Variants in RORA observed in about 807,000 individuals in gnomAD.
RORA encodes nuclear receptor ROR-alpha.
Under a neutral mutation model 69.5 loss-of-function variants are expected in RORA, and 7 were observed. The observed-to-expected ratio is 0.10, with a 90% CI of 0.06 to 0.19. The LOEUF (loss-of-function observed/expected upper bound fraction) is 0.19, where lower values mean the gene tolerates loss of function less well. Ranked by LOEUF, RORA falls within the 10% of genes least tolerant of loss-of-function variation. The pLI is 1.00. For synonymous variants in RORA, 261 were observed against 240.8 expected, an observed-to-expected ratio of 1.08 and a Z score of -0.78; for missense variants, 457 against 663.0, an observed-to-expected ratio of 0.69 and a Z score of 3.41.
At chr15:61,132,956 G>C (rs973628667) in intron 1 of RORA, among the ~76,000 whole-genome samples, 2 of 152,136 alleles carry the variant, frequency 1.3e-5, no homozygotes, top group African/African-American at 4.8e-5. Flanking sequence ...CGACTGTTGT[G>C]AAATCTGGCG....
At chr15:60,958,146 C>T (rs1483025285) in intron 1 of RORA, among the ~76,000 whole-genome samples, 1 of 152,166 alleles carries the variant, frequency 6.6e-6, no homozygotes, top group African/African-American at 2.4e-5. Flanking sequence ...GGCAAAAGTT[C>T]ATATCTCATT....
At chr15:60,523,366 G>A (rs1396155892) in intron 3 of RORA, among the ~76,000 whole-genome samples, 1 of 152,120 alleles carries the variant, frequency 6.6e-6, no homozygotes, top group Non-Finnish European at 1.5e-5. Flanking sequence ...AATCATGAGA[G>A]CATTCAGTGA....
intron 2 of RORA, among the ~76,000 whole-genome samples, chr15:60,655,339 A>G (rs1174122591): frequency 6.6e-6 from 1 of 152,170 alleles, no homozygotes; most frequent in Non-Finnish European, 1.5e-5. Flanking sequence ...CAGCGGTTAC[A>G]GAGTTGTGTT....
intron 1 of RORA, among the ~76,000 whole-genome samples, chr15:60,722,277 G>T (rs989997128): frequency 6.6e-6 from 1 of 152,142 alleles, no homozygotes; most frequent in African/African-American, 2.4e-5. Flanking sequence ...TGTCATTAAA[G>T]AACTGAGCTT....
intron 2 of RORA, among the ~76,000 whole-genome samples, chr15:60,662,363 A>T (rs1052456828): frequency 3.9e-5 from 6 of 152,258 alleles, no homozygotes; most frequent in African/African-American, 1.4e-4. Context: ...CTGTATCTCA[A>T]TTATTAGACA....
intron 1 of RORA, among the ~76,000 whole-genome samples, chr15:60,892,353 CT>C (rs572761817): frequency 6.6e-6 from 1 of 152,130 alleles, no homozygotes; most frequent in African/African-American, 2.4e-5. Context: ...ATATTTTTAA[CT>C]TTTTTCCAGG....
At chr15:60,782,179 C>T (rs1230934551) in intron 1 of RORA, among the ~76,000 whole-genome samples, 2 of 151,972 alleles carry the variant, frequency 1.3e-5, no homozygotes, top group Admixed American at 1.3e-4. Flanking sequence ...GAGCTGAGAT[C>T]GCGCCACTGC....
intron 1 of RORA, among the ~76,000 whole-genome samples, chr15:60,896,744 T>C (rs1891240574): frequency 7.6e-6 from 1 of 131,404 alleles, no homozygotes; most frequent in African/African-American, 2.5e-5. Flanking sequence ...TTTTTTTTTT[T>C]TTTTTTTGGC....
At chr15:60,776,514 C>A (rs1048979183) in intron 1 of RORA, among the ~76,000 whole-genome samples, 3 of 152,244 alleles carry the variant, frequency 2.0e-5, no homozygotes, top group African/African-American at 7.2e-5. Flanking sequence ...AGAGACTTCA[C>A]AACCAGGCTT....
chr15:60,611,754 C>T (rs1031180105), intron 2 of RORA, among the ~76,000 whole-genome samples: 4 of 151,970 alleles, frequency 2.6e-5, no homozygotes, highest in Admixed American at 6.6e-5. Flanking sequence ...GCAGAGCCAT[C>T]CTCACTCTTT....
intron 1 of RORA, among the ~76,000 whole-genome samples, chr15:60,696,893 G>T (rs1002163712): frequency 5.9e-5 from 9 of 152,136 alleles, no homozygotes; most frequent in African/African-American, 1.9e-4. Context: ...AGCCTTAGAG[G>T]CATTTATATT....
intron 1 of RORA, among the ~76,000 whole-genome samples, chr15:60,974,637 C>T (rs1194954573): frequency 1.3e-5 from 2 of 152,206 alleles, no homozygotes; most frequent in Non-Finnish European, 2.9e-5. Context: ...TCCACGTGCA[C>T]TGAGTCTGTG....
chr15:60,734,575 A>G (rs1159295696), intron 1 of RORA, among the ~76,000 whole-genome samples: 1 of 152,178 alleles, frequency 6.6e-6, no homozygotes, highest in African/African-American at 2.4e-5. Flanking sequence ...TAAATAGGAG[A>G]CAGGCACCAA....
chr15:60,867,342 G>C (rs2140431853), intron 1 of RORA, among the ~76,000 whole-genome samples: 1 of 152,272 alleles, frequency 6.6e-6, no homozygotes, highest in South Asian at 2.1e-4. Flanking sequence ...AGTGGGGGCA[G>C]TATTGTGCAA....
At chr15:61,074,154 C>T (rs546433581) in intron 1 of RORA, among the ~76,000 whole-genome samples, 2 of 152,276 alleles carry the variant, frequency 1.3e-5, no homozygotes, top group African/African-American at 4.8e-5. Context: ...ACCATCATGC[C>T]AACACACTTT....
At chr15:60,720,346 G>T (rs1567168443) in intron 1 of RORA, among the ~76,000 whole-genome samples, 1 of 152,158 alleles carries the variant, frequency 6.6e-6, no homozygotes, top group Admixed American at 6.5e-5. Context: ...GTCCTATTTG[G>T]GTTGTAAAGT....
At position 61,101,423 on chromosome 15, in the gene RORA, C is replaced by T. The variant is rs188504977; in HGVS notation, c.166+127630G>A. Among the ~76,000 whole-genome samples, 356 of 152,026 alleles carry T rather than the reference C, an allele frequency of 2.3e-3. 1 individual carries two copies. The highest frequency in any genetic ancestry group is 8.1e-3 in the African/African-American group (335 of 41,442). On this transcript the variant is annotated intron_variant, in intron 1 of 10. Transcript: ENST00000335670. ...TGTGGAGAGAATAAGATAAAAATTT[C>T]GAGGCACTGGGAACAAGATGTGCAA...
At chr15:61,018,306 G>A (rs1244671013) in intron 1 of RORA, among the ~76,000 whole-genome samples, 1 of 152,122 alleles carries the variant, frequency 6.6e-6, no homozygotes, top group Admixed American at 6.5e-5. Context: ...CTTGCTCTGT[G>A]TCCTTGGACA....
intron 1 of RORA, among the ~76,000 whole-genome samples, chr15:60,680,842 C>A (rs1162632234): frequency 6.6e-6 from 1 of 152,184 alleles, no homozygotes. Context: ...TGAAGATATA[C>A]CAATCAATTA....
Sources: gnomAD v4.1 joint callset for allele counts (sites outside exome capture counted in the v4.1 genomes callset) on GRCh38, gnomAD v4.1.1 for gene constraint, MANE v1.5 for transcripts, NCBI Gene and HGNC (gene_info 2026-07-23, HGNC 2026-07-21) for gene names.